Variants in TG observed in about 807,000 individuals in gnomAD.
The protein encoded by TG is thyroid hormones.
In TG, 270 loss-of-function variants were observed where a neutral mutation model predicts 324.7. That is an observed-to-expected ratio of 0.83 (90% CI 0.75 to 0.92). The LOEUF (loss-of-function observed/expected upper bound fraction) is 0.92, where lower values mean the gene tolerates loss of function less well. Among genes scored for constraint, TG ranks in the 40% least tolerant of loss-of-function variants. The pLI is 0.00. For synonymous variants in TG, 1,401 were observed against 1,327.0 expected, an observed-to-expected ratio of 1.06 and a Z score of -1.21; for missense variants, 3,591 against 3,456.4, an observed-to-expected ratio of 1.04 and a Z score of -0.98.
chr8:133,017,214 T>C (rs1835113645), intron 37 of TG, among the ~76,000 whole-genome samples: 1 of 151,936 alleles, frequency 6.6e-6, no homozygotes, highest in Non-Finnish European at 1.5e-5. Flanking sequence ...AATGTGGGCC[T>C]GCAACCCCTG....
intron 41 of TG, among the ~76,000 whole-genome samples, chr8:133,088,484 C>T (rs182664394): frequency 6.6e-6 from 1 of 152,352 alleles, no homozygotes; most frequent in Admixed American, 6.5e-5. Context: ...TACCTACCCA[C>T]TCCAAGCCTC....
chr8:133,079,029 C>T (rs1314689590), intron 41 of TG, among the ~76,000 whole-genome samples: 4 of 152,156 alleles, frequency 2.6e-5, no homozygotes, highest in Admixed American at 1.3e-4. Context: ...TGAGGCATGG[C>T]GGGACCACAT....
intron 45 of TG, among the ~76,000 whole-genome samples, chr8:133,121,308 A>G (rs1851122760): frequency 6.6e-6 from 1 of 152,146 alleles, no homozygotes; most frequent in South Asian, 2.1e-4. Flanking sequence ...GGTTCTAGGC[A>G]GCGTGGATCC....
intron 35 of TG, among the ~76,000 whole-genome samples, chr8:132,985,960 G>A (rs941554964): frequency 1.3e-5 from 2 of 152,080 alleles, no homozygotes; most frequent in Non-Finnish European, 2.9e-5. Context: ...GTTGTGGAGG[G>A]AGAGAGGATA....
At chr8:133,128,382 C>CACACACAG (rs1270700620) in intron 45 of TG, among the ~76,000 whole-genome samples, 4 of 149,160 alleles carry the variant, frequency 2.7e-5, no homozygotes, top group African/African-American at 1.0e-4. Flanking sequence ...CACACACACA[C>CACACACAG]AGTCATCCGC....
At chr8:132,909,228 A>G (rs1183975787) in intron 18 of TG, among the ~76,000 whole-genome samples, 1 of 152,140 alleles carries the variant, frequency 6.6e-6, no homozygotes, top group Non-Finnish European at 1.5e-5. Flanking sequence ...GCCTGGGGCC[A>G]GGTGGCAGTG....
intron 44 of TG, 33 bp downstream of exon 44, chr8:133,113,636 A>G (rs1296114940): frequency 6.2e-7 from 1 of 1,607,832 alleles, no homozygotes; most frequent in Non-Finnish European, 8.5e-7. Context: ...GCAGATTCCT[A>G]CTGCTATGTT....
At chr8:132,963,162 G>A (rs560833400) in intron 29 of TG, 88 bp downstream of exon 29, 37 of 1,130,294 alleles carry the variant, frequency 3.3e-5, no homozygotes, top group African/African-American at 1.2e-4. Context: ...ATGAACGGAC[G>A]TATTGACATC....
chr8:132,931,378 A>G (rs1249037638), intron 23 of TG, among the ~76,000 whole-genome samples: 3 of 152,238 alleles, frequency 2.0e-5, no homozygotes, highest in Non-Finnish European at 4.4e-5. Context: ...TCAGCCCATA[A>G]TGAAAAATCA....
At chr8:132,965,290 C>G (rs1291974602) in intron 29 of TG, among the ~76,000 whole-genome samples, 1 of 152,174 alleles carries the variant, frequency 6.6e-6, no homozygotes, top group Non-Finnish European at 1.5e-5. Context: ...GTGTCTCTGC[C>G]AGCACTAAAC....
At chr8:132,882,390 C>T (rs1028135217) in intron 6 of TG, 79 bp from the exon 7 acceptor site, 14 of 1,521,514 alleles carry the variant, frequency 9.2e-6, no homozygotes, top group Non-Finnish European at 1.1e-5. Context: ...CTGTCTCTCT[C>T]AGTATCTGTT....
chr8:132,871,208 C>T, intron 3 of TG, 140 bp from the exon 4 acceptor site: 4 of 835,526 alleles, frequency 4.8e-6, no homozygotes, highest in Middle Eastern at 3.0e-4. Context: ...CTGTGGCTGC[C>T]ACCCCATCAC....
At chr8:133,110,734 T>C (rs555508207) in intron 43 of TG, among the ~76,000 whole-genome samples, 1 of 152,326 alleles carries the variant, frequency 6.6e-6, no homozygotes, top group South Asian at 2.1e-4. Flanking sequence ...ATTTTGCCTA[T>C]GAGAAGCCTG....
rs1219861414 is a variant in TG, at chr8:132,908,300, T to C, written c.3962T>C (p.Ile1321Thr). 1 of 1,613,290 alleles carries C rather than the reference T, an allele frequency of 6.2e-7. No homozygotes were observed. The highest frequency in any genetic ancestry group is 8.5e-7 in the Non-Finnish European group (1 of 1,179,816). Reference sequence around the variant, plus strand: ...TTGCTGCAGACTTTCCAGGTTTTCATATTGGATGAGCTGACAGCCCGCGGC... The same window carrying C: ...TTGCTGCAGACTTTCCAGGTTTTCACATTGGATGAGCTGACAGCCCGCGGC... ...ADLLQTFQVF[I>T]LDELTARGFC... Residue 1321 changes from isoleucine (I) to threonine (T), a missense_variant, in exon 18 of 48, where the codon ATA (isoleucine) becomes ACA (threonine). By Grantham distance (89) the Ile-to-Thr change is moderately conservative. Coordinates refer to ENST00000220616, the MANE Select transcript of TG (RefSeq NM_003235.5).
chr8:132,940,388 T>C (rs77609143), intron 25 of TG, among the ~76,000 whole-genome samples: 3,044 of 152,284 alleles, frequency 0.02, 103 homozygotes, highest in African/African-American at 0.066. Flanking sequence ...AAAAATCTCA[T>C]GTTTGCAAAG....
Position 132,887,534 on chromosome 8 carries a change from G to A in TG, c.2162G>A (p.Gly721Glu), listed in dbSNP as rs1171785836. 2 of 1,614,084 alleles carry A rather than the reference G, an allele frequency of 1.2e-6. No homozygotes were observed. The highest frequency in any genetic ancestry group is 1.3e-5 in the African/African-American group (1 of 74,930). ...ATTCCTGGAACTCGAAGTGCAATAG[G>A]GAAGCCCAAGAAATGTAAGTCTGTT... ...QAIPGTRSAI[G>E]KPKKCPTPCQ... is the part of the protein sequence containing the mutation. Residue 721 changes from glycine to glutamate, a missense_variant, in exon 9 of 48, where the codon GGG becomes GAG. Gly to Glu is a moderately conservative substitution (Grantham distance 98). Coordinates refer to ENST00000220616, the MANE Select transcript of TG (RefSeq NM_003235.5).
chr8:132,900,488 A>C, intron 15 of TG, 149 bp downstream of exon 15: 8 of 743,058 alleles, frequency 1.1e-5, no homozygotes, highest in African/African-American at 3.5e-5. Flanking sequence ...CAGTTTTCTC[A>C]TCTATGAAAT....
intron 38 of TG, among the ~76,000 whole-genome samples, chr8:133,019,249 C>T (rs1292784080): frequency 6.6e-6 from 1 of 152,216 alleles, no homozygotes; most frequent in Non-Finnish European, 1.5e-5. Flanking sequence ...AGGACACCCC[C>T]TCCAGAGGAG....
intron 45 of TG, among the ~76,000 whole-genome samples, chr8:133,117,991 G>T (rs900256364): frequency 6.6e-6 from 1 of 152,194 alleles, no homozygotes; most frequent in Admixed American, 6.5e-5. Flanking sequence ...ACCATAAGTT[G>T]TCCAACCCAT....
Sources: gnomAD v4.1 joint callset for allele counts (sites outside exome capture counted in the v4.1 genomes callset) on GRCh38, gnomAD v4.1.1 for gene constraint, MANE v1.5 for transcripts, NCBI Gene and HGNC (gene_info 2026-07-23, HGNC 2026-07-21) for gene names.